ARID3A: variants seen among roughly 807,000 people sequenced by gnomAD.
ARID3A encodes the protein AT-rich interaction domain 3A.
Under a neutral mutation model 52.7 loss-of-function variants are expected in ARID3A, and 11 were observed. The observed-to-expected ratio is 0.21, with a 90% confidence interval of 0.13 to 0.35. ARID3A has a LOEUF of 0.35. ARID3A is among the 10% of genes least tolerant of loss of function. ARID3A has a pLI of 1.00. For missense variants in ARID3A, 721 were observed against 838.5 expected, an observed-to-expected ratio of 0.86 and a Z score of 1.73; for synonymous variants, 404 against 359.4, an observed-to-expected ratio of 1.12 and a Z score of -1.40.
Position 938,099 on chromosome 19 carries a change from G to T in ARID3A, c.693+5357G>T, listed in dbSNP as rs941598728. ...CCTCAGGTGATCCTCACACCTCAGC[G>T]TCCCAGAGTGCTGGGATCACAGACG... On this transcript the variant is annotated intron_variant, in intron 3 of 8. Coordinates refer to ENST00000263620, the MANE Select transcript of ARID3A (RefSeq NM_005224.3). This position sits in a 1 kb window ranked among gnomAD's most constrained non-coding sequence, Gnocchi z 4.0. Among the ~76,000 whole-genome samples, 1 of 151,740 alleles carries T rather than the reference G, an allele frequency of 6.6e-6. No homozygotes were observed. Among genetic ancestry groups the T allele is most frequent in the East Asian group, 1.9e-4 (1 of 5,140 alleles).
At position 975,399 on chromosome 19, in the gene ARID3A, C is replaced by T. The variant is rs144416802; in HGVS notation, c.*3334C>T. ...CAGCTGGGGTCGTTGTTAAGGGTCA[C>T]GCATCTGTACAGTTGAATTTCCTTT... On this transcript the variant is annotated 3_prime_UTR_variant, in exon 9 of 9. Transcript: ENST00000263620. The T allele has an allele frequency of 3.2e-4, 75 of 231,686 alleles. No homozygotes were observed. Among genetic ancestry groups the T allele is most frequent in the African/African-American group, 1.4e-3 (65 of 45,332 alleles). 14.4% of individuals were successfully genotyped at this position (231,686 alleles called of 1,614,324 possible).
rs573450972 is a variant in ARID3A at position 945,334 on chromosome 19, A to G, written c.693+12592A>G. 2.0e-5 allele frequency among the ~76,000 whole-genome samples: 3 copies of G among 152,312 alleles called. No individual in the cohort carries two copies. The East Asian group carries it at 5.8e-4, about 29-fold the overall frequency. On this transcript the variant is annotated intron_variant, in intron 3 of 8. Coordinates refer to ENST00000263620, the MANE Select transcript of ARID3A (RefSeq NM_005224.3). ...TTTTCATCCTTGGCCTTTACGGTTCACCAGGTTTCTCCTGTAACTCCTGTA... is the reference window on the plus strand; with the variant it reads ...TTTTCATCCTTGGCCTTTACGGTTCGCCAGGTTTCTCCTGTAACTCCTGTA...
At chr19:970,796 G>C (rs1051496387) in intron 8 of ARID3A, among the ~76,000 whole-genome samples, 2 of 152,182 alleles carry the variant, frequency 1.3e-5, no homozygotes, top group African/African-American at 4.8e-5. Context: ...TTTTCTTAAA[G>C]TGGAGTCAGG....
chr19:964,327 G>A lies in ARID3A; in HGVS notation c.846G>A (p.Lys282=). Residue 282 remains lysine (K), a synonymous_variant, in exon 5 of 9, where the codon AAG becomes AAA. Transcript: ENST00000263620. The surrounding 1 kb of genome is among the most constrained non-coding windows in gnomAD (Gnocchi z 5.7). ...LFMLYVLVTE[K]GGLVEVINKK... is the part of the protein sequence containing the mutation. ...TGCTGTACGTGCTGGTGACGGAGAA[G>A]GGCGGCCTCGTGGAGGTCATCAACA... The A allele has an allele frequency of 1.9e-6, 3 of 1,614,136 alleles. No homozygotes were observed. The highest frequency in any genetic ancestry group is 2.5e-6 in the Non-Finnish European group (3 of 1,180,018).
intron 1 of ARID3A, 26 bp downstream of exon 1, chr19:926,085 G>T (rs1232419815): frequency 6.7e-6 from 1 of 149,128 alleles, no homozygotes; most frequent in African/African-American, 2.4e-5. Context: ...GCACAGCCCC[G>T]TGGGTCGGGG....
rs532841713 is a variant in ARID3A, at chr19:954,145, G to A, written c.694-5947G>A. Among the ~76,000 whole-genome samples the A allele has an allele frequency of 1.8e-4, 27 of 152,166 alleles. No homozygotes were observed. In the South Asian group the frequency reaches 2.1e-3, roughly 12 times the overall value. ...TGGGGGGCCCTGGGAGGCTGTGGCC[G>A]AGGGAGGGTCATGCTCAGATGTCTG... On this transcript the variant is annotated intron_variant, in intron 3 of 8. Transcript: ENST00000263620.
chr19:948,867 G>A (rs564040865), intron 3 of ARID3A, among the ~76,000 whole-genome samples: 6 of 152,044 alleles, frequency 3.9e-5, no homozygotes, highest in South Asian at 2.1e-4. Context: ...GCGCCACCAC[G>A]CCCGGCTAAT....
rs752394407 is a variant in ARID3A, at chr19:964,810, C to T, written c.951-23C>T. 1.2e-6 allele frequency: 2 copies of T among 1,605,448 alleles called. No homozygotes were observed. The highest frequency in any genetic ancestry group is 2.2e-5 in the South Asian group (2 of 90,672). On this transcript the variant is annotated intron_variant, in intron 5 of 8. Transcript: ENST00000263620. The surrounding 1 kb of genome is among the most constrained non-coding windows in gnomAD (Gnocchi z 5.7). ...CCGTAGGGGTGACCCGGGTGCCATC[C>T]TCTTCCCTCGTCCCACCCACAGATA...
In ARID3A at chr19:929,434, G is replaced by A. The variant is rs970125896; in HGVS notation, c.-95G>A. On this transcript the variant is annotated 5_prime_UTR_variant, in exon 2 of 9. Transcript: ENST00000263620. This position sits in a 1 kb window ranked among gnomAD's most constrained non-coding sequence, Gnocchi z 6.2. ...GCGGCCCCCACGCTGCAGTGCGGCC[G>A]GGCCCCCTCCCCGCAGGGGCCGCCC... is the stretch of plus-strand genomic sequence containing the variant. 2.7e-5 allele frequency: 32 copies of A among 1,177,368 alleles called. No homozygotes were observed. The highest frequency in any genetic ancestry group is 2.6e-4 in the African/African-American group (15 of 58,060). 72.9% of individuals were successfully genotyped at this position (1,177,368 alleles called of 1,614,324 possible).
At position 929,534 on chromosome 19, in the gene ARID3A, A is replaced by G. The variant is rs1240606683; in HGVS notation, c.6A>G (p.Lys2=). The G allele has an allele frequency of 1.1e-5, 16 of 1,516,742 alleles. No individual in the cohort carries two copies. Among genetic ancestry groups the G allele is most frequent in the African/African-American group, 1.4e-5 (1 of 70,142 alleles). 94.0% of individuals were successfully genotyped at this position (1,516,742 alleles called of 1,614,324 possible). A position where few individuals can be genotyped will look rare whatever the true frequency, so the allele number is the denominator to read the frequency against. The change falls in exon 2 of 9, where the codon AAA becomes AAG. Residue 2 remains lysine (K), a synonymous_variant. Transcript: ENST00000263620. This position sits in a 1 kb window ranked among gnomAD's most constrained non-coding sequence, Gnocchi z 6.2. Reference sequence around the variant, plus strand: ...GTGGCCCGGGCCGCAGGGCCATGAAACTACAGGCCGTGATGGAGACGCTGT... The same window carrying G: ...GTGGCCCGGGCCGCAGGGCCATGAAGCTACAGGCCGTGATGGAGACGCTGT... M[K]LQAVMETLLQ...
chr19:944,944 G>A lies in ARID3A; in HGVS notation c.693+12202G>A, dbSNP rs147308887. ...TCCCCTCTCCCTGTCTCTGCCACCC[G>A]CCCCGTCCCTTCCACCACGTCGCCC... On this transcript the variant is annotated intron_variant, in intron 3 of 8. Coordinates refer to ENST00000263620, the MANE Select transcript of ARID3A (RefSeq NM_005224.3). This position sits in a 1 kb window ranked among gnomAD's most constrained non-coding sequence, Gnocchi z 5.9. 7.2e-3 allele frequency among the ~76,000 whole-genome samples: 1,088 copies of A among 151,680 alleles called. 15 individuals carry two copies. The highest frequency in any genetic ancestry group is 0.025 in the African/African-American group (1,051 of 41,348).
At chr19:934,460 A>G (rs563909316) in intron 3 of ARID3A, among the ~76,000 whole-genome samples, 1 of 152,332 alleles carries the variant, frequency 6.6e-6, no homozygotes, top group Non-Finnish European at 1.5e-5. Context: ...ACCGCGGGTC[A>G]GGGTTGTAGG....
chr19:966,413 G>A (rs1333602450), intron 6 of ARID3A, among the ~76,000 whole-genome samples, 159 bp from the exon 7 acceptor site: 4 of 146,326 alleles, frequency 2.7e-5, no homozygotes, highest in South Asian at 2.2e-4. Flanking sequence ...AGCTGAGATC[G>A]CACCATTGCA....
intron 6 of ARID3A, among the ~76,000 whole-genome samples, chr19:965,470 C>T (rs1319618460): frequency 6.6e-6 from 1 of 151,356 alleles, no homozygotes; most frequent in Non-Finnish European, 1.5e-5. Flanking sequence ...AGTGTCACCT[C>T]AGTTTGCCTG....
intron 3 of ARID3A, among the ~76,000 whole-genome samples, chr19:958,884 C>T (rs1479946273): frequency 2.7e-5 from 4 of 150,446 alleles, no homozygotes; most frequent in African/African-American, 4.9e-5. Flanking sequence ...AGCGAGACTC[C>T]GTCTCAAAAA....
At chr19:926,626 T>C in intron 1 of ARID3A, among the ~76,000 whole-genome samples, 1 of 151,716 alleles carries the variant, frequency 6.6e-6, no homozygotes, top group African/African-American at 2.4e-5. Flanking sequence ...ATTTATAAAG[T>C]GTCCGCCCCA....
At position 972,801 on chromosome 19, in the gene ARID3A, CAAAAAAAAAAAAAAAAAAAAAA is replaced by C. The variant is rs57620894; in HGVS notation, c.*745_*766del. 1 of 74,966 alleles carries C rather than the reference CAAAAAAAAAAAAAAAAAAAAAA, an allele frequency of 1.3e-5. No homozygotes were observed. Among genetic ancestry groups the C allele is most frequent in the African/African-American group, 6.0e-5 (1 of 16,626 alleles). The allele number at this position is 74,966 out of a possible 1,614,324, so 4.6% of individuals were successfully genotyped here. On this transcript the variant is annotated 3_prime_UTR_variant, in exon 9 of 9. Coordinates refer to ENST00000263620, the MANE Select transcript of ARID3A (RefSeq NM_005224.3). ...GTCTTGAAAAAGCAAGAAAAAAAAGCAAAAAAAAAAAAAAAAAAAAAAAAAAAAAACTCACCTTTTTATTTTT... is the reference window on the plus strand; with the variant it reads ...GTCTTGAAAAAGCAAGAAAAAAAAGCAAAAAAAACTCACCTTTTTATTTTT...
At chr19:934,451 C>G (rs1033895408) in intron 3 of ARID3A, among the ~76,000 whole-genome samples, 1 of 152,230 alleles carries the variant, frequency 6.6e-6, no homozygotes, top group African/African-American at 2.4e-5. Context: ...CTGGGCGACA[C>G]CGCGGGTCAG....
intron 3 of ARID3A, among the ~76,000 whole-genome samples, chr19:939,400 A>T (rs2037500355): frequency 6.6e-6 from 1 of 152,118 alleles, no homozygotes; most frequent in Admixed American, 6.6e-5. Flanking sequence ...GACAGGCCTG[A>T]GCCACCGCGC....
Sources: gnomAD v4.1 joint callset for allele counts (sites outside exome capture counted in the v4.1 genomes callset) on GRCh38, gnomAD v4.1.1 for gene constraint, Gnocchi (gnomAD v3.1) non-coding constraint, MANE v1.5 for transcripts, NCBI Gene and HGNC (gene_info 2026-07-23, HGNC 2026-07-21) for gene names.